The following HADH variants were observed in gnomAD, a reference collection of about 807,000 sequenced individuals.
HADH encodes the protein hydroxyacyl-coenzyme A dehydrogenase, mitochondrial.
Under a neutral mutation model 32.2 loss-of-function variants are expected in HADH, and 24 were observed. The ratio of observed to expected loss-of-function variants is 0.75; its 90% confidence interval spans 0.54 to 1.05. The LOEUF (loss-of-function observed/expected upper bound fraction) is 1.05, where lower values mean the gene tolerates loss of function less well. HADH is among the 50% of genes least tolerant of loss of function. The probability of loss-of-function intolerance (pLI) is 0.00; values close to 1 mark genes in which losing one functional copy is unlikely to be tolerated. For synonymous variants in HADH, 139 were observed against 152.5 expected (o/e 0.91, Z 0.65); for missense variants, 350 against 397.1 (o/e 0.88, Z 1.01).
At chr4:108,020,227 T>C (rs1735838653) in intron 4 of HADH, among the ~76,000 whole-genome samples, 1 of 152,114 alleles carries the variant, frequency 6.6e-6, no homozygotes, top group African/African-American at 2.4e-5. Context: ...CCTAGAACTT[T>C]TGGAGGTGGA....
intron 2 of HADH, 55 bp downstream of exon 2, chr4:108,009,942 G>T: frequency 8.1e-7 from 1 of 1,232,550 alleles, no homozygotes; most frequent in South Asian, 1.2e-5. Flanking sequence ...CTTTACATTT[G>T]CAGGGCAATG....
At chr4:108,032,170 A>G in intron 6 of HADH, 1 of 512,708 alleles carries the variant, frequency 2.0e-6, no homozygotes, top group Admixed American at 2.9e-5. Flanking sequence ...ATGCTTTGGA[A>G]CAAAATTCTA....
intron 6 of HADH, chr4:108,028,273 C>G: frequency 5.8e-6 from 1 of 171,550 alleles, no homozygotes; most frequent in Admixed American, 5.5e-5. Context: ...ATGGTGTAAA[C>G]AGTTTTCCTC....
intron 6 of HADH, 184 bp from the exon 7 acceptor site, chr4:108,032,992 A>G: frequency 1.6e-6 from 1 of 627,110 alleles, no homozygotes; most frequent in South Asian, 1.7e-5. Flanking sequence ...AAAAAAAACA[A>G]AGTCTTATGA....
chr4:108,003,431 G>T (rs1735183308), intron 1 of HADH, among the ~76,000 whole-genome samples: 1 of 152,174 alleles, frequency 6.6e-6, no homozygotes, highest in Non-Finnish European at 1.5e-5. Context: ...TATTGGCAGT[G>T]CCTGACTTTT....
chr4:108,023,686 C>A, intron 5 of HADH, 123 bp downstream of exon 5: 1 of 742,194 alleles, frequency 1.3e-6, no homozygotes, highest in Non-Finnish European at 2.5e-6. Flanking sequence ...GCAAGCTTGT[C>A]CACATGCTGT....
chr4:108,009,988 T>G lies in HADH; in HGVS notation c.261+101T>G, dbSNP rs1404025121. ...GGCTTTCTTTCTTTCTTTTTTTTTT[T>G]TTTTTTCAGTTTGTTAGTGTAAAAC... On this transcript the variant is annotated intron_variant, in intron 2 of 7. Coordinates refer to ENST00000309522, the MANE Select transcript of HADH (RefSeq NM_005327.7). 3.4e-6 allele frequency: 3 copies of G among 877,562 alleles called. No homozygotes were observed. The African/African-American group carries it at 5.1e-5, about 15-fold the overall frequency. The allele number at this position is 877,562 out of a possible 1,614,324, so 54.4% of individuals were successfully genotyped here.
At position 107,989,924 on chromosome 4, in the gene HADH, T is replaced by A; in HGVS notation, c.-9T>A. On this transcript the variant is annotated 5_prime_UTR_variant, in exon 1 of 8. Coordinates refer to ENST00000309522, the MANE Select transcript of HADH (RefSeq NM_005327.7). ...CGGGTCTCCTCGCTGTCGCCGCCGC[T>A]GCCACACCATGGCCTTCGTCACCAG... 6.2e-7 allele frequency: 1 copy of A among 1,611,984 alleles called. No individual in the cohort carries two copies. Among genetic ancestry groups the A allele is most frequent in the Non-Finnish European group, 8.5e-7 (1 of 1,179,430 alleles).
chr4:108,024,409 CT>C (rs2126234987), intron 5 of HADH: 1 of 152,150 alleles, frequency 6.6e-6, no homozygotes, highest in East Asian at 1.9e-4. Context: ...TCATAGCAAA[CT>C]TTTGCTTTCT....
chr4:108,033,658 T>G (rs545075819), intron 7 of HADH, among the ~76,000 whole-genome samples: 119 of 152,348 alleles, frequency 7.8e-4, no homozygotes, highest in African/African-American at 2.6e-3. Flanking sequence ...ATCAATAGAT[T>G]TGTGTAACCT....
chr4:108,007,526 C>A (rs1735330748), intron 1 of HADH, among the ~76,000 whole-genome samples: 1 of 152,150 alleles, frequency 6.6e-6, no homozygotes, highest in Non-Finnish European at 1.5e-5. Flanking sequence ...AACAATGTGG[C>A]CTTCAGGTGG....
intron 4 of HADH, among the ~76,000 whole-genome samples, chr4:108,021,149 A>G (rs942952697): frequency 6.6e-6 from 1 of 152,260 alleles, no homozygotes; most frequent in African/African-American, 2.4e-5. Flanking sequence ...TATCTCATGC[A>G]GATTAAGAGC....
At chr4:107,990,866 C>T (rs1166877065) in intron 1 of HADH, among the ~76,000 whole-genome samples, 7 of 151,332 alleles carry the variant, frequency 4.6e-5, no homozygotes, top group Non-Finnish European at 1.0e-4. Flanking sequence ...TCTCCTGCCT[C>T]AGCCTCCCGA....
chr4:108,033,246 G>C lies in HADH; in HGVS notation c.780G>C (p.Glu260Asp). The C allele has an allele frequency of 6.2e-7, 1 of 1,607,234 alleles. No individual in the cohort carries two copies. Among genetic ancestry groups the C allele is most frequent in the Non-Finnish European group, 8.5e-7 (1 of 1,173,726 alleles). The change falls in exon 7 of 8, where the codon GAG (glutamate) becomes GAC (aspartate). Residue 260 changes from glutamate (E) to aspartate (D), a missense_variant. Glu to Asp is a conservative substitution (Grantham distance 45). Transcript: ENST00000309522. ...CCGGTTACCCCATGGGCCCATTTGAGCTTCTAGATTATGTCGGACTGGATA... is the reference window on the plus strand; with the variant it reads ...CCGGTTACCCCATGGGCCCATTTGACCTTCTAGATTATGTCGGACTGGATA... Reference protein sequence around the residue: ...LGAGYPMGPFELLDYVGLDTT... With the variant: ...LGAGYPMGPFDLLDYVGLDTT...
chr4:108,015,167 G>A (rs142827267), intron 3 of HADH, among the ~76,000 whole-genome samples: 17 of 152,162 alleles, frequency 1.1e-4, no homozygotes, highest in East Asian at 9.7e-4. Flanking sequence ...CTGCTGGATC[G>A]CATGGTAGTT....
chr4:108,032,349 T>C (rs750588296), intron 6 of HADH: 2 of 1,602,394 alleles, frequency 1.2e-6, no homozygotes, highest in Admixed American at 1.7e-5. Context: ...GTGGTGATTC[T>C]AACTCGGGTT....
At chr4:108,005,964 G>A (rs1735280243) in intron 1 of HADH, among the ~76,000 whole-genome samples, 1 of 152,238 alleles carries the variant, frequency 6.6e-6, no homozygotes, top group Non-Finnish European at 1.5e-5. Context: ...CAAGGAATCT[G>A]TACAGGGGAT....
chr4:108,032,138 C>T, intron 6 of HADH: 1 of 455,712 alleles, frequency 2.2e-6, no homozygotes, highest in South Asian at 6.9e-5. Context: ...TTTTCTTTAG[C>T]TTTGATCTGA....
At chr4:108,004,723 G>C (rs747508331) in intron 1 of HADH, 1 of 1,532,704 alleles carries the variant, frequency 6.5e-7, no homozygotes, top group South Asian at 1.2e-5. Context: ...AATGAAGAGA[G>C]AAGTTAGATG....
Sources: allele counts gnomAD v4.1 joint callset (sites outside exome capture counted in the v4.1 genomes callset), GRCh38; gene constraint gnomAD v4.1.1; transcripts MANE v1.5; gene names NCBI Gene and HGNC (gene_info 2026-07-23, HGNC 2026-07-21).